The following MARCHF1 variants were observed in gnomAD, a reference collection of about 807,000 sequenced individuals.
MARCHF1 encodes the protein membrane associated ring-CH-type finger 1, also known as E3 ubiquitin-protein ligase MARCHF1.
A neutral mutation model predicts 54.2 loss-of-function variants in MARCHF1; 40 were observed. The ratio of observed to expected loss-of-function variants is 0.74; its 90% CI spans 0.57 to 0.96. The LOEUF is 0.96. Ranked by LOEUF, MARCHF1 falls within the 40% of genes least tolerant of loss-of-function variation. The pLI is 0.00. For missense variants in MARCHF1, 586 were observed against 656.5 expected, an observed-to-expected ratio of 0.89 and a Z score of 1.17; for synonymous variants, 236 against 236.3, an observed-to-expected ratio of 1.00 and a Z score of 0.01.
At chr4:164,206,985 A>G (rs954335932) in intron 1 of MARCHF1, among the ~76,000 whole-genome samples, 1 of 152,170 alleles carries the variant, frequency 6.6e-6, no homozygotes, top group Non-Finnish European at 1.5e-5. Flanking sequence ...ATACTAAATA[A>G]AAGTGATGAT....
intron 4 of MARCHF1, among the ~76,000 whole-genome samples, chr4:163,712,198 C>T (rs1036534470): frequency 1.3e-5 from 2 of 152,108 alleles, no homozygotes; most frequent in Non-Finnish European, 2.9e-5. Context: ...ATTAAAAGCA[C>T]TTTAATGGCC....
At chr4:164,221,989 G>GA (rs5863671) in intron 1 of MARCHF1, among the ~76,000 whole-genome samples, 110,536 of 151,798 alleles carry the variant, frequency 0.73, 41,011 homozygotes, top group African/African-American at 0.87. Flanking sequence ...AGGTAGTGAA[G>GA]AAAAAATTGG....
rs142963732 is a variant in MARCHF1, at chr4:163,665,213, G to A, written c.162+35600C>T. Among the ~76,000 whole-genome samples the A allele has an allele frequency of 3.6e-3, 549 of 152,082 alleles. 2 individuals carry two copies. Among genetic ancestry groups the A allele is most frequent in the African/African-American group, 0.012 (514 of 41,500 alleles). ...ATGGGAAAATTCCCATGTCACTCTT[G>A]ATGTCATAATATTTAGTAATGTAGA... On this transcript the variant is annotated intron_variant, in intron 5 of 9. Transcript: ENST00000514618.
intron 4 of MARCHF1, among the ~76,000 whole-genome samples, chr4:163,808,264 A>G (rs1043253375): frequency 3.3e-5 from 5 of 152,226 alleles, no homozygotes; most frequent in Non-Finnish European, 7.3e-5. Context: ...TCCGTTCTCC[A>G]TGGTAACTAC....
At chr4:163,811,246 TTAGTGG>T (rs1458731499) in intron 4 of MARCHF1, among the ~76,000 whole-genome samples, 6 of 51,498 alleles carry the variant, frequency 1.2e-4, no homozygotes, top group Non-Finnish European at 3.8e-4. Context: ...TTTAAGATTT[TTAGTGG>T]CACTAAACAT....
At chr4:164,013,010 A>G (rs1753456159) in intron 2 of MARCHF1, among the ~76,000 whole-genome samples, 1 of 152,186 alleles carries the variant, frequency 6.6e-6, no homozygotes, top group Non-Finnish European at 1.5e-5. Context: ...AAGCACCAAG[A>G]ACACTCAGGA....
intron 1 of MARCHF1, among the ~76,000 whole-genome samples, chr4:164,151,339 C>T (rs781426255): frequency 2.8e-4 from 42 of 152,120 alleles, no homozygotes; most frequent in Non-Finnish European, 5.0e-4. Flanking sequence ...TTCAAAATTA[C>T]GGAAACTACC....
chr4:164,199,288 T>G (rs576891069), intron 1 of MARCHF1, among the ~76,000 whole-genome samples: 5 of 152,326 alleles, frequency 3.3e-5, no homozygotes, highest in African/African-American at 9.6e-5. Context: ...AACTTTTCAC[T>G]GTCATTGAAC....
At chr4:164,032,435 A>G (rs1359151169) in intron 2 of MARCHF1, among the ~76,000 whole-genome samples, 1 of 152,168 alleles carries the variant, frequency 6.6e-6, no homozygotes. Flanking sequence ...TAGGGTGTCA[A>G]TGTGAAATCT....
At chr4:164,195,142 T>A (rs891389512) in intron 1 of MARCHF1, among the ~76,000 whole-genome samples, 9 of 152,112 alleles carry the variant, frequency 5.9e-5, no homozygotes, top group Admixed American at 2.6e-4. Context: ...ATTTTTTTTT[T>A]AAAGTCACTC....
chr4:163,627,824 A>T (rs986177070), intron 5 of MARCHF1, among the ~76,000 whole-genome samples: 18 of 147,834 alleles, frequency 1.2e-4, no homozygotes, highest in African/African-American at 4.4e-4. Context: ...AGATAACTCA[A>T]TGAGGAAAGG....
chr4:163,960,426 TTAGA>T lies in MARCHF1; in HGVS notation c.-39+28071_-39+28074del, dbSNP rs1196625650. ...AACCTAAATGTCCATCAATGACAGATTAGATAAAGAAAACTTGGTACATTTACAT... is the reference window on the plus strand; with the variant it reads ...AACCTAAATGTCCATCAATGACAGATTAAAGAAAACTTGGTACATTTACAT... On this transcript the variant is annotated intron_variant, in intron 3 of 9. Coordinates refer to ENST00000514618, the MANE Select transcript of MARCHF1 (RefSeq NM_001394959.1). Among the ~76,000 whole-genome samples the T allele has an allele frequency of 2.0e-5, 3 of 151,840 alleles. No homozygotes were observed. The East Asian group carries it at 5.8e-4, about 29-fold the overall frequency.
intron 4 of MARCHF1, among the ~76,000 whole-genome samples, chr4:163,833,960 A>G (rs948573935): frequency 3.3e-5 from 5 of 152,332 alleles, no homozygotes; most frequent in Admixed American, 6.5e-5. Flanking sequence ...AGCAGTGCCA[A>G]TGGAGAATCC....
intron 9 of MARCHF1, among the ~76,000 whole-genome samples, chr4:163,534,072 T>C (rs996772103): frequency 2.6e-5 from 4 of 152,040 alleles, no homozygotes; most frequent in Admixed American, 1.3e-4. Context: ...CATCCTAATA[T>C]AGGTTTAAGC....
chr4:163,530,053 T>TTTAC (rs1738294448), intron 9 of MARCHF1: 2 of 152,000 alleles, frequency 1.3e-5, no homozygotes, highest in South Asian at 2.1e-4. Context: ...TGGATTTTTA[T>TTTAC]TTACTTACAA....
At chr4:163,851,326 T>C (rs1482766695) in intron 4 of MARCHF1, among the ~76,000 whole-genome samples, 5 of 152,112 alleles carry the variant, frequency 3.3e-5, no homozygotes, top group Middle Eastern at 3.2e-3. Context: ...TTGGGAGACT[T>C]TATAATGTCT....
chr4:163,818,267 ATTTTT>A (rs1249999796), intron 4 of MARCHF1, among the ~76,000 whole-genome samples: 1 of 151,724 alleles, frequency 6.6e-6, no homozygotes, highest in Non-Finnish European at 1.5e-5. Flanking sequence ...TTTTATTATT[ATTTTT>A]TTAAGTTCCC....
intron 2 of MARCHF1, among the ~76,000 whole-genome samples, chr4:164,074,882 A>T (rs1416420223): frequency 6.6e-6 from 1 of 150,844 alleles, no homozygotes; most frequent in Non-Finnish European, 1.5e-5. Flanking sequence ...CTAAAATATA[A>T]GAAATATAAA....
At chr4:164,127,052 TCAAAA>T (rs61100715) in intron 1 of MARCHF1, among the ~76,000 whole-genome samples, 104,865 of 150,434 alleles carry the variant, frequency 0.7, 38,163 homozygotes, top group Non-Finnish European at 0.82. Flanking sequence ...AAACTCCGTC[TCAAAA>T]CAAAACAAAA....
Sources: gnomAD v4.1 joint callset for allele counts (sites outside exome capture counted in the v4.1 genomes callset) on GRCh38, gnomAD v4.1.1 for gene constraint, MANE v1.5 for transcripts, NCBI Gene and HGNC (gene_info 2026-07-23, HGNC 2026-07-21) for gene names.